The following KDM4C variants were observed in gnomAD, a reference collection of about 807,000 sequenced individuals.
KDM4C encodes lysine-specific demethylase 4C.
A neutral mutation model predicts 129.3 loss-of-function variants in KDM4C; 81 were observed. That is an observed-to-expected ratio of 0.63 (90% CI 0.52 to 0.75). The LOEUF is 0.75. KDM4C is among the 30% of genes least tolerant of loss of function. The probability of loss-of-function intolerance (pLI) is 0.00; values close to 1 mark genes in which losing one functional copy is unlikely to be tolerated. For missense variants in KDM4C, 1,457 were observed against 1,304.0 expected (o/e 1.12, Z -1.81); for synonymous variants, 573 against 456.1 (o/e 1.26, Z -3.26).
intron 17 of KDM4C, among the ~76,000 whole-genome samples, chr9:7,063,278 C>T (rs1460734651): frequency 6.6e-6 from 1 of 152,052 alleles, no homozygotes; most frequent in Non-Finnish European, 1.5e-5. Context: ...ATATTGCTTG[C>T]GAGTGAACAT....
At position 7,147,628 on chromosome 9, in the gene KDM4C, A is replaced by T. The variant is rs1842334057; in HGVS notation, c.2782-17610A>T. On this transcript the variant is annotated intron_variant, in intron 19 of 21. Transcript: ENST00000381309. ...TCCCCGTGTTTGGGGGTGAGAAGTTAAAGTCCTGGGGTGTTCTACAGGAGG... is the reference window on the plus strand; with the variant it reads ...TCCCCGTGTTTGGGGGTGAGAAGTTTAAGTCCTGGGGTGTTCTACAGGAGG... Among the ~76,000 whole-genome samples, 3 of 152,250 alleles carry T rather than the reference A, an allele frequency of 2.0e-5. No homozygotes were observed. The South Asian group carries it at 6.2e-4, about 32-fold the overall frequency.
intron 3 of KDM4C, among the ~76,000 whole-genome samples, chr9:6,814,280 T>A (rs1340614028): frequency 6.6e-6 from 1 of 152,176 alleles, no homozygotes; most frequent in Admixed American, 6.5e-5. Flanking sequence ...AAGTGTTATG[T>A]CATTTTTATA....
At chr9:6,944,898 AG>A (rs1469556196) in intron 8 of KDM4C, among the ~76,000 whole-genome samples, 4 of 152,156 alleles carry the variant, frequency 2.6e-5, no homozygotes, top group Admixed American at 1.3e-4. Context: ...AAGTGTAATT[AG>A]CAAAAACATG....
intron 17 of KDM4C, among the ~76,000 whole-genome samples, chr9:7,101,675 C>G (rs567192257): frequency 6.6e-6 from 1 of 152,154 alleles, no homozygotes; most frequent in African/African-American, 2.4e-5. Context: ...TGTCTTCTTA[C>G]GCCTTTTTAG....
chr9:6,779,889 G>T (rs527308938), intron 1 of KDM4C, among the ~76,000 whole-genome samples: 1 of 152,056 alleles, frequency 6.6e-6, no homozygotes, highest in Non-Finnish European at 1.5e-5. Context: ...CTAATAATTG[G>T]TTCATTGGTG....
intron 8 of KDM4C, among the ~76,000 whole-genome samples, chr9:6,940,395 T>C (rs557872050): frequency 1.1e-4 from 17 of 152,332 alleles, no homozygotes; most frequent in African/African-American, 3.8e-4. Flanking sequence ...TGAACAATTA[T>C]TGCCCGCTGT....
intron 19 of KDM4C, among the ~76,000 whole-genome samples, chr9:7,162,758 G>A (rs534997304): frequency 6.6e-6 from 1 of 152,166 alleles, no homozygotes; most frequent in East Asian, 1.9e-4. Context: ...AGGGGAGGCC[G>A]TAACTCTCCT....
chr9:7,010,594 C>A (rs145431951), intron 12 of KDM4C, among the ~76,000 whole-genome samples: 17 of 152,330 alleles, frequency 1.1e-4, no homozygotes, highest in African/African-American at 4.1e-4. Flanking sequence ...TGTCACAGCC[C>A]TAGACACTGG....
At chr9:6,789,078 C>G (rs1378302363) in intron 1 of KDM4C, among the ~76,000 whole-genome samples, 1 of 150,440 alleles carries the variant, frequency 6.6e-6, no homozygotes, top group Non-Finnish European at 1.5e-5. Flanking sequence ...GGGTCCCACT[C>G]TTTCACCCAG....
intron 8 of KDM4C, among the ~76,000 whole-genome samples, chr9:6,958,544 G>A (rs891494065): frequency 1.7e-4 from 25 of 151,426 alleles, no homozygotes; most frequent in South Asian, 4.2e-4. Context: ...CCGAGATCGC[G>A]CCATTGCATT....
intron 4 of KDM4C, among the ~76,000 whole-genome samples, chr9:6,848,222 C>T (rs1422869382): frequency 7.2e-5 from 11 of 151,986 alleles, no homozygotes; most frequent in East Asian, 1.9e-4. Context: ...TGCATTAGCA[C>T]GAAAAGGTTG....
chr9:6,815,172 T>TC (rs1831856155), intron 4 of KDM4C: 1 of 152,252 alleles, frequency 6.6e-6, no homozygotes, highest in Non-Finnish European at 1.5e-5. Flanking sequence ...GTCCTTTTTT[T>TC]CACAGACAAA....
intron 17 of KDM4C, among the ~76,000 whole-genome samples, chr9:7,053,621 G>A (rs1587290089): frequency 6.6e-6 from 1 of 152,206 alleles, no homozygotes; most frequent in Admixed American, 6.5e-5. Context: ...TTTTATTTCT[G>A]TGTCCAATTT....
chr9:6,986,145 A>G (rs1817656719), intron 10 of KDM4C, among the ~76,000 whole-genome samples, 199 bp from the exon 11 acceptor site: 1 of 152,236 alleles, frequency 6.6e-6, no homozygotes, highest in South Asian at 2.1e-4. Context: ...ATACTTGAGT[A>G]GAAGAACTGG....
chr9:6,827,307 G>A (rs1834054737), intron 4 of KDM4C, among the ~76,000 whole-genome samples: 1 of 152,186 alleles, frequency 6.6e-6, no homozygotes, highest in African/African-American at 2.4e-5. Context: ...GCTCAGAAAT[G>A]TTTACTTTAT....
At chr9:7,107,725 C>T (rs957537291) in intron 18 of KDM4C, among the ~76,000 whole-genome samples, 3 of 152,148 alleles carry the variant, frequency 2.0e-5, no homozygotes, top group Admixed American at 2.0e-4. Context: ...AACATGGAGA[C>T]AGATACCTAT....
At chr9:7,004,381 T>G (rs1821274497) in intron 12 of KDM4C, among the ~76,000 whole-genome samples, 1 of 152,214 alleles carries the variant, frequency 6.6e-6, no homozygotes, top group Non-Finnish European at 1.5e-5. Context: ...TTTATAACTA[T>G]GAAAACTTAA....
chr9:7,011,627 T>G, intron 12 of KDM4C, 71 bp from the exon 13 acceptor site: 1 of 1,350,990 alleles, frequency 7.4e-7, no homozygotes, highest in African/African-American at 1.4e-5. Context: ...AATGTTTATT[T>G]CTTTTGTACT....
intron 12 of KDM4C, among the ~76,000 whole-genome samples, chr9:6,995,229 C>T (rs1434460705): frequency 6.6e-6 from 1 of 151,288 alleles, no homozygotes; most frequent in East Asian, 1.9e-4. Context: ...CAGGAGAAGT[C>T]ACTAGTGAAC....
Sources: allele counts gnomAD v4.1 joint callset (sites outside exome capture counted in the v4.1 genomes callset), GRCh38; gene constraint gnomAD v4.1.1; transcripts MANE v1.5; gene names NCBI Gene and HGNC (gene_info 2026-07-23, HGNC 2026-07-21).